DOCK1: variants seen among roughly 807,000 people sequenced by gnomAD.
DOCK1 encodes dedicator of cytokinesis 1.
DOCK1 carries 138 observed loss-of-function variants against 262.7 expected under a neutral mutation model. The ratio of observed to expected loss-of-function variants is 0.53; its 90% CI spans 0.46 to 0.61. The LOEUF is 0.61. DOCK1 is among the 20% of genes least tolerant of loss of function. The probability of loss-of-function intolerance (pLI) is 0.00; values close to 1 mark genes in which losing one functional copy is unlikely to be tolerated. For missense variants in DOCK1, 1,908 were observed against 2,370.7 expected (o/e 0.80, Z 4.05); for synonymous variants, 866 against 867.4 (o/e 1.00, Z 0.03).
chr10:127,124,864 A>C (rs2049844323), intron 25 of DOCK1, among the ~76,000 whole-genome samples: 1 of 152,212 alleles, frequency 6.6e-6, no homozygotes, highest in African/African-American at 2.4e-5. Context: ...TATTTCTTTT[A>C]ATGTTGCAAA....
intron 29 of DOCK1, among the ~76,000 whole-genome samples, chr10:127,293,233 C>T (rs1302404517): frequency 6.6e-6 from 1 of 152,166 alleles, no homozygotes; most frequent in Non-Finnish European, 1.5e-5. Context: ...TGAAGAAGCA[C>T]AGAAGTGGCA....
chr10:127,178,638 T>A (rs2133937992), intron 27 of DOCK1, among the ~76,000 whole-genome samples: 1 of 152,278 alleles, frequency 6.6e-6, no homozygotes, highest in Middle Eastern at 3.4e-3. Flanking sequence ...GCAAAGGAAG[T>A]CCTTGGTGCT....
chr10:126,939,996 TG>T (rs1265453640), intron 1 of DOCK1, among the ~76,000 whole-genome samples: 1 of 152,170 alleles, frequency 6.6e-6, no homozygotes, highest in East Asian at 1.9e-4. Flanking sequence ...GGGCTGGCAT[TG>T]GGAGAGTCTA....
chr10:127,318,751 C>T (rs979630134), intron 29 of DOCK1, among the ~76,000 whole-genome samples: 1 of 152,200 alleles, frequency 6.6e-6, no homozygotes, highest in Admixed American at 6.5e-5. Flanking sequence ...CCTCTGCCTT[C>T]GTGGAGTTTG....
At chr10:127,189,192 G>A (rs780189037) in intron 27 of DOCK1, among the ~76,000 whole-genome samples, 5 of 152,198 alleles carry the variant, frequency 3.3e-5, no homozygotes, top group African/African-American at 4.8e-5. Context: ...AAAACTGTAC[G>A]GTTGTCTTAG....
chr10:126,977,328 C>T (rs2038622334), intron 2 of DOCK1, among the ~76,000 whole-genome samples: 3 of 152,260 alleles, frequency 2.0e-5, no homozygotes, highest in South Asian at 4.1e-4. Context: ...TTCTTTCTCT[C>T]GCCACTTGGA....
chr10:127,346,546 T>C (rs559883608), intron 31 of DOCK1, among the ~76,000 whole-genome samples: 1 of 152,062 alleles, frequency 6.6e-6, no homozygotes, highest in African/African-American at 2.4e-5. Flanking sequence ...CAGTGAGCCA[T>C]GATCACACGA....
At chr10:127,132,631 T>C (rs950565795) in intron 27 of DOCK1, among the ~76,000 whole-genome samples, 7 of 152,100 alleles carry the variant, frequency 4.6e-5, no homozygotes, top group Admixed American at 4.6e-4. Context: ...TGTTGTGTTG[T>C]GTGCAGGTGG....
chr10:126,985,318 T>C (rs2039302156), intron 4 of DOCK1, among the ~76,000 whole-genome samples: 1 of 152,154 alleles, frequency 6.6e-6, no homozygotes. Flanking sequence ...TGATGCACTT[T>C]CCCTCAGTCT....
chr10:127,059,806 T>C (rs1324696603), intron 22 of DOCK1, among the ~76,000 whole-genome samples: 1 of 152,186 alleles, frequency 6.6e-6, no homozygotes. Context: ...CTCTTTTTCC[T>C]CTTTCACTTG....
chr10:126,980,804 T>C (rs1207987382), intron 3 of DOCK1, among the ~76,000 whole-genome samples: 1 of 152,200 alleles, frequency 6.6e-6, no homozygotes, highest in Non-Finnish European at 1.5e-5. Flanking sequence ...CAATTTCTGC[T>C]GCATGCACTA....
At chr10:127,127,620 A>G in intron 26 of DOCK1, 49 bp from the exon 27 acceptor site, 1 of 1,448,386 alleles carries the variant, frequency 6.9e-7, no homozygotes. Flanking sequence ...TGGGGCTTGC[A>G]TGTTAATGTT....
intron 29 of DOCK1, among the ~76,000 whole-genome samples, chr10:127,270,493 A>C (rs1384032139): frequency 6.6e-6 from 1 of 152,010 alleles, no homozygotes; most frequent in Non-Finnish European, 1.5e-5. Context: ...AGCCTGTGCC[A>C]CCCAGCACAG....
intron 25 of DOCK1, among the ~76,000 whole-genome samples, chr10:127,112,237 A>G (rs2048911830): frequency 6.6e-6 from 1 of 151,932 alleles, no homozygotes; most frequent in Non-Finnish European, 1.5e-5. Flanking sequence ...GTCTCAAACT[A>G]CCGACCTCAA....
intron 23 of DOCK1, 70 bp from the exon 24 acceptor site, chr10:127,106,161 A>C: frequency 6.8e-7 from 1 of 1,468,330 alleles, no homozygotes; most frequent in Non-Finnish European, 9.3e-7. Context: ...TCTTCTCATA[A>C]GGATTACAAA....
At chr10:127,376,529 C>A (rs1041184796) in intron 35 of DOCK1, among the ~76,000 whole-genome samples, 1 of 152,182 alleles carries the variant, frequency 6.6e-6, no homozygotes, top group Non-Finnish European at 1.5e-5. Context: ...AAGAACCTGG[C>A]GCTTACTTCA....
Position 127,349,771 on chromosome 10 carries a change from C to T in DOCK1, c.3225-4898C>T, listed in dbSNP as rs189682815. ...CTCTCCTGGCTTCCGGTGGCTGCCC[C>T]GGTCTTTGGCATTCCGTGGCTTGTG... On this transcript the variant is annotated intron_variant, in intron 31 of 51. Coordinates refer to ENST00000623213, the MANE Select transcript of DOCK1 (RefSeq NM_001290223.2). 6.0e-4 allele frequency among the ~76,000 whole-genome samples: 92 copies of T among 152,216 alleles called. 1 individual carries two copies. Among genetic ancestry groups the T allele is most frequent in the Admixed American group, 2.6e-3 (40 of 15,298 alleles).
intron 1 of DOCK1, among the ~76,000 whole-genome samples, chr10:126,946,101 T>G (rs2035378893): frequency 6.6e-6 from 1 of 152,196 alleles, no homozygotes; most frequent in Non-Finnish European, 1.5e-5. Flanking sequence ...TTTTTTAAAT[T>G]TATGGGAAAA....
At chr10:127,137,646 G>A (rs2050814923) in intron 27 of DOCK1, 1 of 484,564 alleles carries the variant, frequency 2.1e-6, no homozygotes, top group Non-Finnish European at 3.6e-6. Context: ...CAGCTGGCAA[G>A]GAGTGACACA....
Sources: allele counts gnomAD v4.1 joint callset (sites outside exome capture counted in the v4.1 genomes callset), GRCh38; gene constraint gnomAD v4.1.1; transcripts MANE v1.5; gene names NCBI Gene and HGNC (gene_info 2026-07-23, HGNC 2026-07-21).